The following HNRNPH1 variants were observed in gnomAD, a reference collection of about 807,000 sequenced individuals.
The protein encoded by HNRNPH1 is heterogeneous nuclear ribonucleoprotein H1, also known as heterogeneous nuclear ribonucleoprotein H.
HNRNPH1 carries 4 observed loss-of-function variants against 58.6 expected under a neutral mutation model. The ratio of observed to expected loss-of-function variants is 0.07; its 90% CI spans 0.03 to 0.16. The LOEUF (loss-of-function observed/expected upper bound fraction) is 0.16, where lower values mean the gene tolerates loss of function less well. HNRNPH1 is among the 10% of genes least tolerant of loss of function. The probability of loss-of-function intolerance (pLI) is 1.00; values close to 1 mark genes in which losing one functional copy is unlikely to be tolerated. For missense variants in HNRNPH1, 271 were observed against 564.2 expected (o/e 0.48, Z 5.26); for synonymous variants, 192 against 189.2 (o/e 1.01, Z -0.12).
At chr5:179,624,361 TGCCTGTGGCTCGC>T in exon 1 of HNRNPH1, 1 of 396,310 alleles carries the variant, frequency 2.5e-6, no homozygotes, top group Non-Finnish European at 4.4e-6. Flanking sequence ...GAGGTTTCCG[TGCCTGTGGCTCGC>T]GCCTGTACCC....
Position 179,623,020 on chromosome 5 carries a change from T to G in HNRNPH1, c.97+17A>C. ...CCGGCCTCGAACTCGAACTCCCGCG[T>G]CCTAGTTCTAACTCACCAGAAAAAA... On this transcript the variant is annotated intron_variant, in intron 1 of 12. Coordinates refer to ENST00000356731, the Ensembl canonical transcript of HNRNPH1. 2.2e-6 allele frequency: 3 copies of G among 1,358,272 alleles called. No homozygotes were observed. The highest frequency in any genetic ancestry group is 3.0e-6 in the Non-Finnish European group (3 of 1,016,156). The allele number at this position is 1,358,272 out of a possible 1,614,324, so 84.1% of individuals were successfully genotyped here. A position where few individuals can be genotyped will look rare whatever the true frequency, so the allele number is the denominator to read the frequency against.
chr5:179,619,460 GC>G, intron 3 of HNRNPH1, 53 bp from the exon 5 acceptor site: 1 of 1,511,266 alleles, frequency 6.6e-7, no homozygotes, highest in Non-Finnish European at 9.0e-7. Flanking sequence ...AACATCACAA[GC>G]CCAGAAATGA....
At chr5:179,633,683 G>A (rs1450333552) in intron 2 of HNRNPH1, among the ~76,000 whole-genome samples, 6 of 152,078 alleles carry the variant, frequency 3.9e-5, no homozygotes, top group Non-Finnish European at 8.8e-5. Flanking sequence ...GGGAGGCCGA[G>A]GTGGGCAGAT....
At chr5:179,616,423 A>G in intron 10 of HNRNPH1, 1 of 587,702 alleles carries the variant, frequency 1.7e-6, no homozygotes, top group South Asian at 2.0e-5. Flanking sequence ...CCAAAGTGCT[A>G]ACGGTACACA....
Position 179,615,922 on chromosome 5 carries a change from T to C in HNRNPH1, c.1300+204A>G, listed in dbSNP as rs1769329431. 16 of 534,270 alleles carry C rather than the reference T, an allele frequency of 3.0e-5. No homozygotes were observed. In the South Asian group the frequency reaches 4.6e-4, roughly 15 times the overall value. The allele number at this position is 534,270 out of a possible 1,614,324, so 33.1% of individuals were successfully genotyped here. A position where few individuals can be genotyped will look rare whatever the true frequency, so the allele number is the denominator to read the frequency against. ...CCAATGATTGTTTCTGAAAATTAGCTAGTAAAAACAGTTACATTTGGATTG... is the reference window on the plus strand; with the variant it reads ...CCAATGATTGTTTCTGAAAATTAGCCAGTAAAAACAGTTACATTTGGATTG... On this transcript the variant is annotated intron_variant, in intron 11 of 12. Transcript: ENST00000356731.
At chr5:179,618,378 T>A in intron 4 of HNRNPH1, 55 bp from the exon 6 acceptor site, 1 of 1,214,206 alleles carries the variant, frequency 8.2e-7, no homozygotes, top group South Asian at 1.4e-5. Flanking sequence ...CATTAGTTCA[T>A]TTTATACAGG....
At chr5:179,619,551 G>A in intron 3 of HNRNPH1, 144 bp from the exon 5 acceptor site, 1 of 616,752 alleles carries the variant, frequency 1.6e-6, no homozygotes, top group Non-Finnish European at 2.8e-6. Flanking sequence ...CTTTAAATAT[G>A]CATTGCAATA....
chr5:179,617,426 C>G, intron 8 of HNRNPH1, 88 bp downstream of exon 9: 1 of 1,430,078 alleles, frequency 7.0e-7, no homozygotes, highest in South Asian at 1.3e-5. Flanking sequence ...GGAAACTTCT[C>G]ATATATCCTT....
chr5:179,619,435 T>C, intron 3 of HNRNPH1, 28 bp from the exon 5 acceptor site: 1 of 1,590,888 alleles, frequency 6.3e-7, no homozygotes, highest in Non-Finnish European at 8.6e-7. Flanking sequence ...ATAACCCCAG[T>C]AGGGGGGCAA....
chr5:179,615,904 T>C lies in HNRNPH1; in HGVS notation c.1300+222A>G, dbSNP rs111685603. 17 of 532,806 alleles carry C rather than the reference T, an allele frequency of 3.2e-5. No homozygotes were observed. The East Asian group carries it at 3.6e-4, about 11-fold the overall frequency. The allele number at this position is 532,806 out of a possible 1,614,324, so 33.0% of individuals were successfully genotyped here. ...AAAGAACACTTCCCCCTCCCAATGA[T>C]TGTTTCTGAAAATTAGCTAGTAAAA... is the stretch of plus-strand genomic sequence containing the variant. On this transcript the variant is annotated intron_variant, in intron 11 of 12. Transcript: ENST00000356731.
intron 1 of HNRNPH1, chr5:179,622,004 C>T (rs1309093500): frequency 4.4e-6 from 2 of 456,002 alleles, no homozygotes; most frequent in Non-Finnish European, 8.8e-6. Flanking sequence ...GTCAATACTA[C>T]AAACGTCTTG....
upstream of HNRNPH1, among the ~76,000 whole-genome samples, chr5:179,627,355 C>A (rs151077443): frequency 2.0e-4 from 30 of 151,688 alleles, no homozygotes; most frequent in African/African-American, 6.5e-4. Context: ...CCAGGCCCGA[C>A]TAATTTTTTT....
chr5:179,623,396 G>A (rs1043770833), exon 1 of HNRNPH1: 5 of 271,190 alleles, frequency 1.8e-5, no homozygotes, highest in South Asian at 4.4e-5. Flanking sequence ...GTAGAGGAAA[G>A]GAAATGGCGG....
intron 2 of HNRNPH1, among the ~76,000 whole-genome samples, chr5:179,631,318 A>G (rs1462657545): frequency 1.3e-5 from 2 of 152,182 alleles, no homozygotes; most frequent in African/African-American, 4.8e-5. Flanking sequence ...AAAGTTGAGA[A>G]AAAATGATCT....
In HNRNPH1 at chr5:179,616,057, T is replaced by TA. The variant is rs1581633761; in HGVS notation, c.1300+68dup. 3 of 1,330,136 alleles carry TA rather than the reference T, an allele frequency of 2.3e-6. No homozygotes were observed. The African/African-American group carries it at 4.4e-5, about 19-fold the overall frequency. 82.4% of individuals were successfully genotyped at this position (1,330,136 alleles called of 1,614,324 possible). A position where few individuals can be genotyped will look rare whatever the true frequency, so the allele number is the denominator to read the frequency against. ...TACAGTAACAGGCTTTACCATAACT[T>TA]ACTCTAAGTACAGTAATGAACAGGC... is the stretch of plus-strand genomic sequence containing the variant. On this transcript the variant is annotated intron_variant, in intron 11 of 12. Coordinates refer to ENST00000356731, the Ensembl canonical transcript of HNRNPH1.
chr5:179,618,747 T>C (rs1046589517), intron 4 of HNRNPH1: 9 of 163,724 alleles, frequency 5.5e-5, no homozygotes, highest in South Asian at 5.3e-4. Context: ...CCCCAGCCTA[T>C]GCTTTTAGTA....
intron 11 of HNRNPH1, chr5:179,615,871 C>T: frequency 1.9e-6 from 1 of 527,100 alleles, no homozygotes; most frequent in Non-Finnish European, 3.4e-6. Context: ...ATGACTAGTT[C>T]TTAATTCAAA....
intron 3 of HNRNPH1, 102 bp downstream of exon 4, chr5:179,620,790 A>G (rs1771975525): frequency 1.0e-6 from 1 of 960,224 alleles, no homozygotes; most frequent in Non-Finnish European, 1.6e-6. Context: ...GGCAATTTAC[A>G]ACCTACTGAA....
chr5:179,616,833 A>C, intron 10 of HNRNPH1, 36 bp downstream of exon 11: 1 of 1,523,514 alleles, frequency 6.6e-7, no homozygotes, highest in Non-Finnish European at 9.1e-7. Flanking sequence ...TACAGATATA[A>C]ACGTTTTGGT....
Sources: allele counts gnomAD v4.1 joint callset (sites outside exome capture counted in the v4.1 genomes callset), GRCh38; gene constraint gnomAD v4.1.1; transcripts MANE v1.5; gene names NCBI Gene and HGNC (gene_info 2026-07-23, HGNC 2026-07-21).